Variants in C5orf24 observed in about 807,000 individuals in gnomAD.
C5orf24 encodes chromosome 5 open reading frame 24, also known as UPF0461 protein C5orf24.
In C5orf24, 4 loss-of-function variants were observed where a neutral mutation model predicts 9.8. That is an observed-to-expected ratio of 0.41 (90% CI 0.20 to 0.93). The LOEUF is 0.93. C5orf24 is among the 40% of genes least tolerant of loss of function. The pLI, the probability that C5orf24 is intolerant of heterozygous loss-of-function variation, is 0.33. For synonymous variants in C5orf24, 73 were observed against 81.3 expected, an observed-to-expected ratio of 0.90 and a Z score of 0.55; for missense variants, 170 against 236.9, an observed-to-expected ratio of 0.72 and a Z score of 1.85.
At chr5:134,849,745 C>T (rs755157619) in intron 1 of C5orf24, among the ~76,000 whole-genome samples, 2 of 145,812 alleles carry the variant, frequency 1.4e-5, no homozygotes, top group East Asian at 4.3e-4. Context: ...GCAACCTCTG[C>T]CTCCCGGGTT....
At chr5:134,835,480 A>G in the C5orf24 span, among the ~76,000 whole-genome samples, 1 of 151,990 alleles carries the variant, frequency 6.6e-6, no homozygotes, top group African/African-American at 2.4e-5. Context: ...CCCAGTCTCT[A>G]CTAAAAAAAT....
At chr5:134,851,395 G>C (rs913094362) in intron 1 of C5orf24, among the ~76,000 whole-genome samples, 2 of 152,280 alleles carry the variant, frequency 1.3e-5, no homozygotes, top group African/African-American at 4.8e-5. Context: ...TTTCATTTTA[G>C]TATAATCAAG....
Position 134,857,247 on chromosome 5 carries a change from CTT to C in C5orf24, c.*1783_*1784del. On this transcript the variant is annotated 3_prime_UTR_variant, in exon 2 of 2. Coordinates refer to ENST00000394976, the MANE Select transcript of C5orf24 (RefSeq NM_001135586.1). ...AATGTAGAATTGCAGGACCCAAAAA[CTT>C]TTAAAATAATTAAAATTTTAAAAGA... is the stretch of plus-strand genomic sequence containing the variant. 7.4e-7 allele frequency: 1 copy of C among 1,349,460 alleles called. No homozygotes were observed. The highest frequency in any genetic ancestry group is 9.6e-7 in the Non-Finnish European group (1 of 1,038,388). 83.6% of individuals were successfully genotyped at this position (1,349,460 alleles called of 1,614,324 possible). A position where few individuals can be genotyped will look rare whatever the true frequency, so the allele number is the denominator to read the frequency against.
chr5:134,838,112 G>T, the C5orf24 span, among the ~76,000 whole-genome samples: 1 of 151,978 alleles, frequency 6.6e-6, no homozygotes, highest in Non-Finnish European at 1.5e-5. Context: ...AAAAACACTT[G>T]TACCCTCAAT....
At chr5:134,849,261 A>G (rs560971174) in intron 1 of C5orf24, among the ~76,000 whole-genome samples, 29 of 152,348 alleles carry the variant, frequency 1.9e-4, no homozygotes, top group African/African-American at 6.0e-4. Context: ...TCTCAAAAAA[A>G]AAAAGGGAGT....
upstream of C5orf24, among the ~76,000 whole-genome samples, chr5:134,841,668 C>T (rs185239397): frequency 3.3e-5 from 5 of 152,200 alleles, no homozygotes; most frequent in Admixed American, 3.3e-4. Flanking sequence ...TCTATCTAAC[C>T]CCAGAATCCA....
the C5orf24 span, among the ~76,000 whole-genome samples, chr5:134,837,846 T>C: frequency 6.6e-6 from 1 of 152,028 alleles, no homozygotes; most frequent in African/African-American, 2.4e-5. Flanking sequence ...ATCTTTCTTT[T>C]TATTATTGAT....
At chr5:134,848,525 A>G (rs1405786849) in intron 1 of C5orf24, among the ~76,000 whole-genome samples, 3 of 149,444 alleles carry the variant, frequency 2.0e-5, no homozygotes, top group Non-Finnish European at 3.0e-5. Context: ...AAATTAGCCT[A>G]GCATACGTGC....
At chr5:134,847,363 G>A (rs1033950737) in intron 1 of C5orf24, among the ~76,000 whole-genome samples, 1 of 151,446 alleles carries the variant, frequency 6.6e-6, no homozygotes, top group Non-Finnish European at 1.5e-5. Context: ...TGGCGCGATC[G>A]CGGCTCACTG....
chr5:134,859,641 C>T lies in C5orf24; in HGVS notation c.*4174C>T, dbSNP rs1194511248. ...TCCATGAACTTGAGCTACTCGTGTG[C>T]AATTATGTGTATGGGAATGGAGTAG... On this transcript the variant is annotated 3_prime_UTR_variant, in exon 2 of 2. Coordinates refer to ENST00000394976, the MANE Select transcript of C5orf24 (RefSeq NM_001135586.1). 9 of 166,942 alleles carry T rather than the reference C, an allele frequency of 5.4e-5. No individual in the cohort carries two copies. The East Asian group carries it at 1.7e-3, about 32-fold the overall frequency. The allele number at this position is 166,942 out of a possible 1,614,324, so 10.3% of individuals were successfully genotyped here.
At chr5:134,851,074 C>G (rs891601652) in intron 1 of C5orf24, among the ~76,000 whole-genome samples, 96 of 142,322 alleles carry the variant, frequency 6.7e-4, no homozygotes, top group Non-Finnish European at 1.3e-3. Flanking sequence ...TTTTTTTTTT[C>G]CCCCACAAAA....
upstream of C5orf24, among the ~76,000 whole-genome samples, chr5:134,844,213 GAAAA>G (rs1232256259): frequency 8.5e-5 from 13 of 152,100 alleles, no homozygotes; most frequent in East Asian, 2.5e-3. Context: ...ACCTTGCTTA[GAAAA>G]AAAACTTGTT....
At chr5:134,847,188 G>T (rs970379354) in intron 1 of C5orf24, among the ~76,000 whole-genome samples, 9 of 152,202 alleles carry the variant, frequency 5.9e-5, no homozygotes, top group Non-Finnish European at 4.4e-5. Flanking sequence ...TTCAAGGATG[G>T]TAAGTTTTAG....
rs1259727562 is a variant in C5orf24 at position 134,858,773 on chromosome 5, A to G, written c.*3306A>G. On this transcript the variant is annotated 3_prime_UTR_variant, in exon 2 of 2. Coordinates refer to ENST00000394976, the MANE Select transcript of C5orf24 (RefSeq NM_001135586.1). ...TTTGATACTATCTTTAGAGTTTTGC[A>G]TTGGATATTAAAAAATATATTGGCA... is the stretch of plus-strand genomic sequence containing the variant. 1.2e-5 allele frequency: 2 copies of G among 166,784 alleles called. No individual in the cohort carries two copies. Among genetic ancestry groups the G allele is most frequent in the Non-Finnish European group, 2.9e-5 (2 of 68,086 alleles). The allele number at this position is 166,784 out of a possible 1,614,324, so 10.3% of individuals were successfully genotyped here.
chr5:134,850,743 C>T (rs1580841383), intron 1 of C5orf24, among the ~76,000 whole-genome samples: 1 of 152,004 alleles, frequency 6.6e-6, no homozygotes, highest in East Asian at 1.9e-4. Context: ...TCCTGAAGTG[C>T]TGGGATTAGA....
chr5:134,845,923 A>AGCGTGT (rs1755975967), upstream of C5orf24: 1 of 152,208 alleles, frequency 6.6e-6, no homozygotes, highest in African/African-American at 2.4e-5. Context: ...GATGCGAGTG[A>AGCGTGT]GCGTGTGCGT....
At chr5:134,843,643 G>A (rs968543566), upstream of C5orf24, among the ~76,000 whole-genome samples, 3 of 152,066 alleles carry the variant, frequency 2.0e-5, no homozygotes, top group Admixed American at 6.5e-5. Flanking sequence ...TGCAACCTCC[G>A]CCTCCCAGGT....
chr5:134,850,252 G>A (rs568779174), intron 1 of C5orf24, among the ~76,000 whole-genome samples: 2 of 152,012 alleles, frequency 1.3e-5, no homozygotes, highest in Non-Finnish European at 2.9e-5. Flanking sequence ...AGGTTCAAGC[G>A]ATTCTCCTGC....
intron 1 of C5orf24, among the ~76,000 whole-genome samples, chr5:134,850,800 TG>T (rs1296071902): frequency 1.3e-5 from 2 of 151,772 alleles, no homozygotes; most frequent in Non-Finnish European, 2.9e-5. Context: ...TTTAATGGTA[TG>T]TTTTTTTCAG....
Sources: gnomAD v4.1 joint callset for allele counts (sites outside exome capture counted in the v4.1 genomes callset) on GRCh38, gnomAD v4.1.1 for gene constraint, MANE v1.5 for transcripts, NCBI Gene and HGNC (gene_info 2026-07-23, HGNC 2026-07-21) for gene names.